Variants in ALDH7A1 observed in about 807,000 individuals in gnomAD.
ALDH7A1 encodes aldehyde dehydrogenase 7 family member A1, also known as alpha-aminoadipic semialdehyde dehydrogenase.
In ALDH7A1, 63 loss-of-function variants were observed where a neutral mutation model predicts 79.9. The observed-to-expected ratio is 0.79, with a 90% confidence interval of 0.64 to 0.97. The LOEUF is 0.97. Among genes scored for constraint, ALDH7A1 ranks in the 50% least tolerant of loss-of-function variants. ALDH7A1 has a pLI of 0.00. For missense variants in ALDH7A1, 627 were observed against 665.2 expected (o/e 0.94, Z 0.63); for synonymous variants, 240 against 231.2 (o/e 1.04, Z -0.34).
At chr5:126,571,881 G>A (rs1326163377) in intron 7 of ALDH7A1, among the ~76,000 whole-genome samples, 2 of 152,134 alleles carry the variant, frequency 1.3e-5, no homozygotes, top group Non-Finnish European at 2.9e-5. Context: ...GGGCCACCCT[G>A]CAGAACCCTG....
intron 9 of ALDH7A1, chr5:126,561,622 T>G (rs1350613608): frequency 6.6e-6 from 1 of 152,348 alleles, no homozygotes; most frequent in African/African-American, 2.4e-5. Context: ...TTTACAGGAA[T>G]TCCTTATGTT....
intron 8 of ALDH7A1, chr5:126,569,378 G>C (rs1462468869): frequency 1.3e-5 from 2 of 152,158 alleles, no homozygotes; most frequent in African/African-American, 4.8e-5. Flanking sequence ...ACTTATAAAG[G>C]CTATGCTAGG....
rs550051176 is a variant in ALDH7A1 at position 126,541,980 on chromosome 5, A to G, written c.*2985T>C. The G allele has an allele frequency of 6.9e-6, 1 of 145,598 alleles. No homozygotes were observed. The highest frequency in any genetic ancestry group is 2.5e-5 in the African/African-American group (1 of 39,532). The allele number at this position is 145,598 out of a possible 1,614,324, so 9.0% of individuals were successfully genotyped here. ...ACCTTTCCAATAGAAAAAAAAAAAG[A>G]GCAAACTCTAACTGCCTACAACATT... On this transcript the variant is annotated 3_prime_UTR_variant, in exon 18 of 18. Coordinates refer to ENST00000409134, the MANE Select transcript of ALDH7A1 (RefSeq NM_001182.5).
At chr5:126,569,889 A>C (rs1750717699) in intron 8 of ALDH7A1, 1 of 152,202 alleles carries the variant, frequency 6.6e-6, no homozygotes. Flanking sequence ...GGAAACTAAC[A>C]CTTTAGCCAC....
intron 1 of ALDH7A1, chr5:126,594,210 A>C (rs1381514275): frequency 2.1e-6 from 1 of 471,128 alleles, no homozygotes; most frequent in South Asian, 1.5e-5. Context: ...CAGTCCTCAA[A>C]GGAGTTCACA....
intron 16 of ALDH7A1, among the ~76,000 whole-genome samples, chr5:126,548,380 G>A (rs1482176319): frequency 6.6e-6 from 1 of 151,006 alleles, no homozygotes; most frequent in African/African-American, 2.4e-5. Context: ...AAACTCCTGG[G>A]CTTAAGCAAT....
Position 126,550,197 on chromosome 5 carries a change from C to T in ALDH7A1, c.1414G>A (p.Gly472Arg). The T allele has an allele frequency of 6.2e-7, 1 of 1,612,186 alleles. No individual in the cohort carries two copies. The highest frequency in any genetic ancestry group is 8.5e-7 in the Non-Finnish European group (1 of 1,179,548). ...TTTTCAAAATAGACAAAGTTGTACC[C>T]AAGCCAGCGAAAGATTCTGCCCAGA... ...KDLGRIFRWL[G>R]PKGSDCGIVN... Residue 472 changes from glycine (G) to arginine (R), a missense_variant and splice_region_variant, in exon 15 of 18, where the codon GGA (glycine) becomes AGA (arginine). Physicochemically the swap from Gly to Arg is moderately radical, Grantham distance 125. Transcript: ENST00000409134.
Position 126,552,106 on chromosome 5 carries a change from G to T in ALDH7A1, c.1232C>A (p.Pro411Gln), listed in dbSNP as rs780233639. The T allele has an allele frequency of 6.2e-7, 1 of 1,613,906 alleles. No individual in the cohort carries two copies. Among genetic ancestry groups the T allele is most frequent in the African/African-American group, 1.3e-5 (1 of 75,002 alleles). ...GTGGCCAAGACCTGTCACAATTGTC[G>T]GTTCTACATAATTTCCAGGGCGATC... is the stretch of plus-strand genomic sequence containing the variant. ...VMDRPGNYVEPTIVTGLGHDA... is the reference protein window; with the variant it reads ...VMDRPGNYVEQTIVTGLGHDA... Residue 411 changes from proline (P) to glutamine (Q), a missense_variant, in exon 14 of 18, where the codon CCG becomes CAG. Transcript: ENST00000409134.
intron 14 of ALDH7A1, 39 bp from the exon 15 acceptor site, chr5:126,550,332 T>A: frequency 6.8e-7 from 1 of 1,476,948 alleles, no homozygotes; most frequent in Non-Finnish European, 9.4e-7. Context: ...GATGTTATAG[T>A]GTTCAAGTCA....
rs760636660 is a variant in ALDH7A1 at position 126,595,012 on chromosome 5, C to A, written c.187G>T (p.Gly63Ter). The A allele has an allele frequency of 1.2e-6, 2 of 1,600,814 alleles. No homozygotes were observed. The highest frequency in any genetic ancestry group is 1.1e-5 in the South Asian group (1 of 88,728). Residue 63 changes from glycine to a stop codon, truncating the protein, a stop_gained, in exon 1 of 18, where the codon GGA becomes TGA. Coordinates refer to ENST00000409134, the MANE Select transcript of ALDH7A1 (RefSeq NM_001182.5). LOFTEE classifies it high-confidence loss of function. ...GVYNGSWGGR[G>*]EVITTYCPAN... is the part of the protein sequence containing the mutation. ...TTTCTTGAGCGCCCGCGTACCTCTCCCCGGCCTCCCCAGCTTCCATTATAC... is the reference window on the plus strand; with the variant it reads ...TTTCTTGAGCGCCCGCGTACCTCTCACCGGCCTCCCCAGCTTCCATTATAC...
chr5:126,551,944 A>T, intron 14 of ALDH7A1, 77 bp downstream of exon 14: 1 of 1,130,072 alleles, frequency 8.8e-7, no homozygotes, highest in South Asian at 1.2e-5. Context: ...AGGTTCATCC[A>T]GTGAAATTTA....
intron 7 of ALDH7A1, among the ~76,000 whole-genome samples, chr5:126,571,615 C>A (rs571837378): frequency 6.6e-6 from 1 of 152,102 alleles, no homozygotes; most frequent in African/African-American, 2.4e-5. Context: ...TGGTTCAAGA[C>A]AGCAGACTGA....
At chr5:126,551,193 G>A (rs1749984744) in intron 14 of ALDH7A1, among the ~76,000 whole-genome samples, 1 of 152,140 alleles carries the variant, frequency 6.6e-6, no homozygotes, top group Admixed American at 6.5e-5. Flanking sequence ...GAGATTACAA[G>A]CATGAGCCAT....
In ALDH7A1 at chr5:126,582,662, C is replaced by CA. The variant is rs1280500467; in HGVS notation, c.517+188dup. The CA allele has an allele frequency of 4.2e-6, 3 of 712,576 alleles. No individual in the cohort carries two copies. The African/African-American group carries it at 5.4e-5, about 13-fold the overall frequency. 44.1% of individuals were successfully genotyped at this position (712,576 alleles called of 1,614,324 possible). ...CCAACATTAAGTTTTATCTTTAAAA[C>CA]AAAAAGGTTCTTGATCTAACATTTT... On this transcript the variant is annotated intron_variant, in intron 5 of 17. Coordinates refer to ENST00000409134, the MANE Select transcript of ALDH7A1 (RefSeq NM_001182.5).
At position 126,568,277 on chromosome 5, in the gene ALDH7A1, T is replaced by C. The variant is rs778146305; in HGVS notation, c.853A>G (p.Met285Val). 3.7e-6 allele frequency: 6 copies of C among 1,614,006 alleles called. No homozygotes were observed. The African/African-American group carries it at 5.3e-5, about 14-fold the overall frequency. The change falls in exon 9 of 18, where the codon ATG becomes GTG. Residue 285 changes from methionine (M) to valine (V), a missense_variant. Met to Val is a conservative substitution (Grantham distance 21). Coordinates refer to ENST00000409134, the MANE Select transcript of ALDH7A1 (RefSeq NM_001182.5). ...STQVGKQVGL[M>V]VQERFGRSLL... ...CACTTACCAAACCTCTCCTGCACCA[T>C]CAGGCCCACCTGTTTTCCCACCTGA... is the stretch of plus-strand genomic sequence containing the variant.
intron 15 of ALDH7A1, 71 bp downstream of exon 15, chr5:126,550,125 A>G: frequency 6.5e-7 from 1 of 1,537,494 alleles, no homozygotes; most frequent in Non-Finnish European, 9.0e-7. Flanking sequence ...TTTAGACTAC[A>G]GCAGTTTTTT....
At chr5:126,571,071 T>G in intron 7 of ALDH7A1, 1 of 525,048 alleles carries the variant, frequency 1.9e-6, no homozygotes, top group East Asian at 3.4e-5. Context: ...TACCAGACTC[T>G]GTCCTTCTGT....
Position 126,549,954 on chromosome 5 carries a change from A to G in ALDH7A1, c.1464T>C (p.Ser488=), listed in dbSNP as rs750640713. 5 of 1,614,154 alleles carry G rather than the reference A, an allele frequency of 3.1e-6. No homozygotes were observed. The South Asian group carries it at 5.5e-5, about 18-fold the overall frequency. Residue 488 remains serine, a synonymous_variant, in exon 16 of 18, where the codon AGT becomes AGC. Coordinates refer to ENST00000409134, the MANE Select transcript of ALDH7A1 (RefSeq NM_001182.5). ...CGIVNVNIPT[S]GAEIGGAFGG... ...CAAAGGCACCTCCAATCTCAGCCCC[A>G]CTTGTTGGAATGTTGACATTTACAA...
chr5:126,557,139 T>G (rs1726137977), intron 11 of ALDH7A1, among the ~76,000 whole-genome samples: 1 of 152,226 alleles, frequency 6.6e-6, no homozygotes, highest in South Asian at 2.1e-4. Flanking sequence ...TTTCTTAGCT[T>G]TAACGTAATC....
Sources: allele counts gnomAD v4.1 joint callset (sites outside exome capture counted in the v4.1 genomes callset), GRCh38; gene constraint gnomAD v4.1.1; transcripts MANE v1.5; gene names NCBI Gene and HGNC (gene_info 2026-07-23, HGNC 2026-07-21).